Variants in SORCS2 observed in about 807,000 individuals in gnomAD.
The protein encoded by SORCS2 is sortilin related VPS10 domain containing receptor 2.
A neutral mutation model predicts 141.6 loss-of-function variants in SORCS2; 100 were observed. That is an observed-to-expected ratio of 0.71 (90% CI 0.60 to 0.83). The LOEUF (loss-of-function observed/expected upper bound fraction) is 0.83, where lower values mean the gene tolerates loss of function less well. SORCS2 is among the 40% of genes least tolerant of loss of function. SORCS2 has a pLI of 0.00. For synonymous variants in SORCS2, 789 were observed against 676.9 expected (o/e 1.17, Z -2.57); for missense variants, 1,646 against 1,560.2 (o/e 1.05, Z -0.93).
At chr4:7,213,235 C>T (rs757108639) in intron 1 of SORCS2, among the ~76,000 whole-genome samples, 1 of 151,940 alleles carries the variant, frequency 6.6e-6, no homozygotes, top group Non-Finnish European at 1.5e-5. Context: ...GTGGCACCTC[C>T]TCCATGGGTG....
chr4:7,568,362 C>G (rs559161295), intron 3 of SORCS2, among the ~76,000 whole-genome samples: 3 of 152,100 alleles, frequency 2.0e-5, no homozygotes, highest in Non-Finnish European at 2.9e-5. Flanking sequence ...TACCTAATAG[C>G]GTAGGTATTC....
chr4:7,571,125 G>A (rs1715361085), intron 3 of SORCS2, among the ~76,000 whole-genome samples: 1 of 152,238 alleles, frequency 6.6e-6, no homozygotes, highest in African/African-American at 2.4e-5. Context: ...CACCTCTCAT[G>A]CTGGTGTTTG....
intron 2 of SORCS2, among the ~76,000 whole-genome samples, chr4:7,489,701 T>A (rs1281398768): frequency 6.6e-6 from 1 of 152,140 alleles, no homozygotes; most frequent in African/African-American, 2.4e-5. Flanking sequence ...TAATCGCACA[T>A]AATTTAAGTA....
At chr4:7,355,232 C>A (rs74555687) in intron 1 of SORCS2, among the ~76,000 whole-genome samples, 1 of 152,052 alleles carries the variant, frequency 6.6e-6, no homozygotes, top group Admixed American at 6.5e-5. Context: ...TTCACTCTCC[C>A]TTCTCCTTCT....
intron 3 of SORCS2, among the ~76,000 whole-genome samples, chr4:7,623,683 G>A (rs73794318): frequency 0.03 from 4,536 of 152,148 alleles, 207 homozygotes; most frequent in African/African-American, 0.1. Flanking sequence ...TGGGCACCTC[G>A]CTGTCTCTAT....
intron 2 of SORCS2, among the ~76,000 whole-genome samples, chr4:7,454,090 G>A (rs1401727882): frequency 7.6e-6 from 1 of 131,300 alleles, no homozygotes. Flanking sequence ...GGTGCTGTGT[G>A]TTGGGGTCAG....
At chr4:7,358,868 T>G (rs1418419919) in intron 1 of SORCS2, among the ~76,000 whole-genome samples, 1 of 152,242 alleles carries the variant, frequency 6.6e-6, no homozygotes, top group Non-Finnish European at 1.5e-5. Flanking sequence ...AGACAGGGTT[T>G]CACTCTGTCA....
chr4:7,438,925 T>G (rs941706499), intron 2 of SORCS2, among the ~76,000 whole-genome samples: 8 of 152,184 alleles, frequency 5.3e-5, no homozygotes, highest in Non-Finnish European at 8.8e-5. Flanking sequence ...AGATGTGATC[T>G]GTGGGAGTCC....
intron 3 of SORCS2, among the ~76,000 whole-genome samples, chr4:7,583,783 C>G (rs1716343483): frequency 6.6e-6 from 1 of 152,208 alleles, no homozygotes; most frequent in Non-Finnish European, 1.5e-5. Flanking sequence ...CAGTCTCTAG[C>G]ATGTCTTCAT....
At chr4:7,692,435 T>G (rs1724315512) in intron 11 of SORCS2, among the ~76,000 whole-genome samples, 1 of 152,212 alleles carries the variant, frequency 6.6e-6, no homozygotes, top group Admixed American at 6.5e-5. Flanking sequence ...CAGTTTCATC[T>G]GCAAAATGAG....
Position 7,434,676 on chromosome 4 carries a change from C to T in SORCS2, c.548+38321C>T, listed in dbSNP as rs193018169. On this transcript the variant is annotated intron_variant, in intron 2 of 26. Coordinates refer to ENST00000507866, the MANE Select transcript of SORCS2 (RefSeq NM_020777.3). ...CATTGCCAGCGGCGGCTGCTATGTC[C>T]TGGCATACGTCGCAGGGCAGAGACT... 5.2e-5 allele frequency: 84 copies of T among 1,612,844 alleles called. No homozygotes were observed. In the African/African-American group the frequency reaches 1.0e-3, roughly 20 times the overall value.
At position 7,712,760 on chromosome 4, in the gene SORCS2, C is replaced by T. The variant is rs534523889; in HGVS notation, c.1896C>T (p.Ser632=). Residue 632 remains serine (S), a synonymous_variant, in exon 15 of 27, where the codon TCC becomes TCT. Coordinates refer to ENST00000507866, the MANE Select transcript of SORCS2 (RefSeq NM_020777.3). ...MTVFGHISFR[S]DWELVKVDFR... ...TCTTTGGCCACATCAGCTTCCGCTC[C>T]GATTGGGAGCTGGTCAAGGTGGACT... 84 of 1,613,908 alleles carry T rather than the reference C, an allele frequency of 5.2e-5. No individual in the cohort carries two copies. The highest frequency in any genetic ancestry group is 6.6e-5 in the Non-Finnish European group (78 of 1,179,898).
intron 1 of SORCS2, among the ~76,000 whole-genome samples, chr4:7,292,824 C>T (rs1357224492): frequency 2.0e-5 from 3 of 152,196 alleles, no homozygotes; most frequent in Non-Finnish European, 4.4e-5. Flanking sequence ...TTGCTGTGAA[C>T]TTGGGCAGTG....
chr4:7,533,168 G>A (rs933500051), intron 3 of SORCS2, among the ~76,000 whole-genome samples: 1 of 152,198 alleles, frequency 6.6e-6, no homozygotes, highest in African/African-American at 2.4e-5. Flanking sequence ...GGTGCAGGGG[G>A]CCTGGATTTG....
chr4:7,283,788 A>G (rs969020729), intron 1 of SORCS2, among the ~76,000 whole-genome samples: 2 of 151,942 alleles, frequency 1.3e-5, no homozygotes, highest in Admixed American at 1.3e-4. Context: ...CATCCAGGTG[A>G]GGGGGTCCTG....
chr4:7,215,941 A>G (rs1425712867), intron 1 of SORCS2, among the ~76,000 whole-genome samples: 2 of 129,580 alleles, frequency 1.5e-5, no homozygotes, highest in Non-Finnish European at 3.6e-5. Flanking sequence ...GAATAAAAGC[A>G]GGCTGCCGGA....
At chr4:7,578,006 C>T (rs962903735) in intron 3 of SORCS2, among the ~76,000 whole-genome samples, 2 of 152,186 alleles carry the variant, frequency 1.3e-5, no homozygotes, top group Non-Finnish European at 1.5e-5. Flanking sequence ...CCTGCCAAAA[C>T]TCGTGTTGAA....
intron 1 of SORCS2, among the ~76,000 whole-genome samples, chr4:7,373,137 T>G (rs1398902638): frequency 6.6e-6 from 1 of 151,930 alleles, no homozygotes; most frequent in African/African-American, 2.4e-5. Flanking sequence ...AAATATATGT[T>G]TAACTTTATA....
chr4:7,247,357 C>G (rs1713168723), intron 1 of SORCS2, among the ~76,000 whole-genome samples: 2 of 150,866 alleles, frequency 1.3e-5, no homozygotes, highest in South Asian at 4.2e-4. Flanking sequence ...GTAATGAAAT[C>G]CATTATCTGG....
Sources: gnomAD v4.1 joint callset for allele counts (sites outside exome capture counted in the v4.1 genomes callset) on GRCh38, gnomAD v4.1.1 for gene constraint, MANE v1.5 for transcripts, NCBI Gene and HGNC (gene_info 2026-07-23, HGNC 2026-07-21) for gene names.